The following NBEA variants were observed in gnomAD, a reference collection of about 807,000 sequenced individuals.
The protein encoded by NBEA is lysosomal-trafficking regulator 2.
In NBEA, 44 loss-of-function variants were observed where a neutral mutation model predicts 343.4. That is an observed-to-expected ratio of 0.13 (90% CI 0.10 to 0.16). NBEA has a LOEUF of 0.16. Ranked by LOEUF, NBEA falls within the 10% of genes least tolerant of loss-of-function variation. The pLI, the probability that NBEA is intolerant of heterozygous loss-of-function variation, is 1.00. For missense variants in NBEA, 2,555 were observed against 3,631.3 expected (o/e 0.70, Z 7.62); for synonymous variants, 1,175 against 1,238.7 (o/e 0.95, Z 1.08).
chr13:35,195,829 A>G, intron 30 of NBEA, 35 bp from the exon 31 acceptor site: 1 of 1,500,718 alleles, frequency 6.7e-7, no homozygotes, highest in Non-Finnish European at 8.9e-7. Flanking sequence ...TTTTACTTTC[A>G]AAGCTTTTTT....
chr13:35,357,677 A>G (rs2040569614), intron 38 of NBEA, among the ~76,000 whole-genome samples: 1 of 151,908 alleles, frequency 6.6e-6, no homozygotes, highest in African/African-American at 2.4e-5. Flanking sequence ...TATGTACCAT[A>G]TTTTCTTTAT....
intron 1 of NBEA, among the ~76,000 whole-genome samples, chr13:35,009,383 A>G (rs1214920458): frequency 1.3e-5 from 2 of 152,192 alleles, no homozygotes; most frequent in Non-Finnish European, 2.9e-5. Context: ...AGCTGTTTCA[A>G]GTAAGGTAAG....
At chr13:35,475,072 A>G (rs1267310981) in intron 41 of NBEA, 5 of 1,611,346 alleles carry the variant, frequency 3.1e-6, no homozygotes, top group Non-Finnish European at 4.2e-6. Context: ...AAGTTTTTCC[A>G]AACTTTTCGG....
chr13:35,654,799 CT>C (rs2084732366), intron 53 of NBEA, 55 bp from the exon 54 acceptor site: 2 of 1,430,454 alleles, frequency 1.4e-6, no homozygotes, highest in East Asian at 2.6e-5. Flanking sequence ...TCTTTGAGTG[CT>C]TGGCAAAACT....
intron 55 of NBEA, among the ~76,000 whole-genome samples, chr13:35,656,264 C>A (rs1175607253): frequency 2.0e-5 from 3 of 152,182 alleles, no homozygotes; most frequent in African/African-American, 7.2e-5. Flanking sequence ...AAGACAGTTT[C>A]CTTGCTTGGG....
At chr13:35,132,440 G>A (rs1436846860) in intron 17 of NBEA, among the ~76,000 whole-genome samples, 2 of 152,198 alleles carry the variant, frequency 1.3e-5, no homozygotes, top group African/African-American at 4.8e-5. Context: ...GATTACAGGC[G>A]TGAGCCACTG....
At chr13:34,994,122 T>C (rs1329429192) in intron 1 of NBEA, among the ~76,000 whole-genome samples, 1 of 131,856 alleles carries the variant, frequency 7.6e-6, no homozygotes, top group East Asian at 2.4e-4. Flanking sequence ...TGCTTGAACC[T>C]GGGTGGCAGA....
At chr13:35,195,754 T>C (rs2072547145) in intron 30 of NBEA, 110 bp from the exon 31 acceptor site, 1 of 976,048 alleles carries the variant, frequency 1.0e-6, no homozygotes, top group Non-Finnish European at 1.5e-6. Context: ...TAGCAATTTT[T>C]TGTTTCTACA....
intron 36 of NBEA, among the ~76,000 whole-genome samples, chr13:35,339,390 G>A (rs1454956013): frequency 1.3e-5 from 2 of 151,950 alleles, no homozygotes; most frequent in Non-Finnish European, 2.9e-5. Flanking sequence ...AAATTAAGAA[G>A]ATGGTTCCAT....
intron 10 of NBEA, among the ~76,000 whole-genome samples, chr13:35,095,000 C>A (rs2065260691): frequency 6.6e-6 from 1 of 151,696 alleles, no homozygotes; most frequent in South Asian, 2.1e-4. Flanking sequence ...ATTTAAAAAG[C>A]CAATCTAGCT....
intron 38 of NBEA, among the ~76,000 whole-genome samples, chr13:35,430,567 T>G (rs1354436776): frequency 6.6e-6 from 1 of 152,202 alleles, no homozygotes; most frequent in Non-Finnish European, 1.5e-5. Context: ...CTAGAATTTG[T>G]ATGGGGTTTC....
intron 10 of NBEA, among the ~76,000 whole-genome samples, chr13:35,091,093 G>A (rs557905393): frequency 2.9e-4 from 44 of 152,080 alleles, no homozygotes; most frequent in Middle Eastern, 6.8e-3. Context: ...CCCTCATGTG[G>A]TCTTATCACC....
At chr13:35,112,157 T>TA (rs1321659646) in intron 13 of NBEA, among the ~76,000 whole-genome samples, 1 of 151,386 alleles carries the variant, frequency 6.6e-6, no homozygotes, top group Non-Finnish European at 1.5e-5. Context: ...GACCTCGTGA[T>TA]ACACCTGACT....
chr13:35,201,011 T>TCTA (rs1163412936), intron 31 of NBEA, among the ~76,000 whole-genome samples: 1 of 152,168 alleles, frequency 6.6e-6, no homozygotes, highest in South Asian at 2.1e-4. Flanking sequence ...CTTATTACTA[T>TCTA]TTTTTTAAAA....
intron 41 of NBEA, chr13:35,475,484 C>T: frequency 1.2e-6 from 2 of 1,612,364 alleles, no homozygotes; most frequent in Non-Finnish European, 1.7e-6. Flanking sequence ...TGCTTGCCGG[C>T]CAAGGAGTGG....
chr13:35,387,321 C>T (rs1404667261), intron 38 of NBEA, among the ~76,000 whole-genome samples: 1 of 152,000 alleles, frequency 6.6e-6, no homozygotes, highest in Non-Finnish European at 1.5e-5. Context: ...CACATGGTTC[C>T]AGAAGTATTT....
chr13:35,186,551 C>T (rs887420049), intron 30 of NBEA: 2 of 152,114 alleles, frequency 1.3e-5, no homozygotes, highest in East Asian at 3.9e-4. Flanking sequence ...ACCTGTGTGA[C>T]ACTACTTTCT....
rs1057437515 is a variant in NBEA, at chr13:35,544,032, T to C, written c.6586-6445T>C. The stretch of plus-strand genomic sequence containing the variant: ...TGGACCTGAAATTTCTTTTGAACTA[T>C]TCTTCTTGAATATATTTGCTGTAAT... On this transcript the variant is annotated intron_variant, in intron 41 of 58. Coordinates refer to ENST00000379939, the MANE Select transcript of NBEA (RefSeq NM_001385012.1). 2.6e-5 allele frequency among the ~76,000 whole-genome samples: 4 copies of C among 152,212 alleles called. No homozygotes were observed. The East Asian group carries it at 7.7e-4, about 29-fold the overall frequency.
chr13:35,257,923 G>A (rs2032800207), intron 34 of NBEA, among the ~76,000 whole-genome samples: 1 of 152,058 alleles, frequency 6.6e-6, no homozygotes, highest in Admixed American at 6.5e-5. Context: ...ACTCATACAG[G>A]AAATTTGAAA....
Sources: allele counts gnomAD v4.1 joint callset (sites outside exome capture counted in the v4.1 genomes callset), GRCh38; gene constraint gnomAD v4.1.1; transcripts MANE v1.5; gene names NCBI Gene and HGNC (gene_info 2026-07-23, HGNC 2026-07-21).